Variants in NCALD observed in about 807,000 individuals in gnomAD.
NCALD encodes neurocalcin-delta.
In NCALD, 10 loss-of-function variants were observed where a neutral mutation model predicts 18.6. The observed-to-expected ratio is 0.54, with a 90% CI of 0.33 to 0.91. The LOEUF is 0.91. NCALD is among the 40% of genes least tolerant of loss of function. The probability of loss-of-function intolerance (pLI) is 0.03; values close to 1 mark genes in which losing one functional copy is unlikely to be tolerated. For missense variants in NCALD, 184 were observed against 247.6 expected (o/e 0.74, Z 1.72); for synonymous variants, 88 against 87.4 (o/e 1.01, Z -0.04).
At chr8:102,010,236 T>G (rs1167417920) in intron 2 of NCALD, among the ~76,000 whole-genome samples, 2 of 152,238 alleles carry the variant, frequency 1.3e-5, no homozygotes, top group Non-Finnish European at 2.9e-5. Context: ...TGCTACCCAT[T>G]GCATACTTGC....
intron 4 of NCALD, among the ~76,000 whole-genome samples, chr8:101,847,026 A>G (rs1255778208): frequency 6.6e-6 from 1 of 152,166 alleles, no homozygotes; most frequent in African/African-American, 2.4e-5. Flanking sequence ...TTAACAATAT[A>G]TCCAGCCTTA....
chr8:102,097,117 G>A (rs1042917876), intron 1 of NCALD, among the ~76,000 whole-genome samples: 3 of 152,102 alleles, frequency 2.0e-5, no homozygotes, highest in Admixed American at 2.0e-4. Context: ...TATGTTAGAG[G>A]TTTAAGAAGA....
intron 1 of NCALD, among the ~76,000 whole-genome samples, chr8:101,746,301 C>T (rs1185194938): frequency 6.6e-6 from 1 of 151,984 alleles, no homozygotes. Flanking sequence ...GTTAGGTGAC[C>T]CTGGGCAAGT....
intron 3 of NCALD, among the ~76,000 whole-genome samples, chr8:101,894,749 A>T (rs1281497117): frequency 1.3e-5 from 2 of 151,460 alleles, no homozygotes; most frequent in Admixed American, 1.3e-4. Flanking sequence ...ACGGAAATAA[A>T]CTAGAAAATC....
chr8:101,865,251 A>C (rs533172582), intron 4 of NCALD, among the ~76,000 whole-genome samples: 24 of 152,328 alleles, frequency 1.6e-4, no homozygotes, highest in Admixed American at 4.6e-4. Context: ...CCAAGGAACC[A>C]ATCAAATAAA....
At chr8:102,074,205 G>C (rs1490301867) in intron 1 of NCALD, among the ~76,000 whole-genome samples, 1 of 152,112 alleles carries the variant, frequency 6.6e-6, no homozygotes, top group African/African-American at 2.4e-5. Context: ...CTAGTCTATG[G>C]GAAAAAATCA....
At chr8:101,931,473 G>A (rs1427672955) in intron 2 of NCALD, among the ~76,000 whole-genome samples, 1 of 152,208 alleles carries the variant, frequency 6.6e-6, no homozygotes, top group African/African-American at 2.4e-5. Flanking sequence ...GCAGAAAGAA[G>A]CCTGGACTGG....
At chr8:102,007,052 T>C (rs183938317) in intron 2 of NCALD, among the ~76,000 whole-genome samples, 226 of 152,162 alleles carry the variant, frequency 1.5e-3, no homozygotes, top group African/African-American at 4.0e-3. Flanking sequence ...TTATTAAAAA[T>C]GCAGATTCAA....
At chr8:101,924,580 CA>C (rs1211095267) in intron 2 of NCALD, among the ~76,000 whole-genome samples, 1 of 152,218 alleles carries the variant, frequency 6.6e-6, no homozygotes, top group Admixed American at 6.5e-5. Context: ...TTCATCCTCT[CA>C]GGGGCACTTA....
intron 4 of NCALD, among the ~76,000 whole-genome samples, chr8:101,810,373 T>C (rs1377149791): frequency 1.3e-5 from 2 of 152,188 alleles, no homozygotes; most frequent in African/African-American, 4.8e-5. Context: ...ACAGTTAGAC[T>C]GAAAGAGCTA....
At chr8:101,930,145 T>G (rs1447043622) in intron 2 of NCALD, among the ~76,000 whole-genome samples, 1 of 152,156 alleles carries the variant, frequency 6.6e-6, no homozygotes, top group Non-Finnish European at 1.5e-5. Flanking sequence ...TTACAAAAAT[T>G]ATAAATTTTA....
chr8:101,804,746 C>T (rs1423651958), intron 4 of NCALD, among the ~76,000 whole-genome samples: 1 of 146,950 alleles, frequency 6.8e-6, no homozygotes, highest in Admixed American at 6.8e-5. Context: ...AAACATAATG[C>T]CATTTCACAC....
intron 4 of NCALD, among the ~76,000 whole-genome samples, chr8:101,811,117 T>C (rs73698846): frequency 0.02 from 3,031 of 152,252 alleles, 106 homozygotes; most frequent in African/African-American, 0.068. Context: ...GCCCCCCATG[T>C]GTCCTGTCCT....
At chr8:101,845,487 G>A (rs1424806793) in intron 4 of NCALD, among the ~76,000 whole-genome samples, 1 of 152,122 alleles carries the variant, frequency 6.6e-6, no homozygotes, top group Non-Finnish European at 1.5e-5. Context: ...ATCCCTATTG[G>A]TCCCATTGAA....
chr8:102,102,568 G>C (rs1183401652), intron 1 of NCALD, among the ~76,000 whole-genome samples: 1 of 152,144 alleles, frequency 6.6e-6, no homozygotes, highest in Non-Finnish European at 1.5e-5. Flanking sequence ...AAGGCACCTA[G>C]CAAGTGGAAA....
At chr8:101,931,983 G>A (rs1818592551) in intron 2 of NCALD, among the ~76,000 whole-genome samples, 1 of 152,088 alleles carries the variant, frequency 6.6e-6, no homozygotes, top group Admixed American at 6.6e-5. Context: ...TCAGAAGCAG[G>A]TGGCCATCAC....
chr8:101,739,641 T>C (rs937908918), intron 1 of NCALD, among the ~76,000 whole-genome samples: 4 of 143,552 alleles, frequency 2.8e-5, no homozygotes, highest in East Asian at 2.0e-4. Flanking sequence ...TGCTGGATGC[T>C]TACTGCCCTG....
At chr8:102,123,472 A>AC (rs1826004414) in intron 1 of NCALD, among the ~76,000 whole-genome samples, 1 of 151,400 alleles carries the variant, frequency 6.6e-6, no homozygotes, top group East Asian at 1.9e-4. Context: ...AAAAAAAAAA[A>AC]AAAACTTGTG....
intron 3 of NCALD, among the ~76,000 whole-genome samples, chr8:101,909,058 G>A (rs1456480527): frequency 2.6e-5 from 4 of 152,154 alleles, no homozygotes; most frequent in Non-Finnish European, 5.9e-5. Context: ...TATAAGGAAA[G>A]TGATCTTTTT....
Sources: allele counts gnomAD v4.1 joint callset (sites outside exome capture counted in the v4.1 genomes callset), GRCh38; gene constraint gnomAD v4.1.1; transcripts MANE v1.5; gene names NCBI Gene and HGNC (gene_info 2026-07-23, HGNC 2026-07-21).